Variants in GALNT13 observed in about 807,000 individuals in gnomAD.
GALNT13 encodes UDP-GalNAc:polypeptide N-acetylgalactosaminyltransferase 13.
Under a neutral mutation model 64.2 loss-of-function variants are expected in GALNT13, and 28 were observed. The ratio of observed to expected loss-of-function variants is 0.44; its 90% confidence interval spans 0.32 to 0.60. GALNT13 has a LOEUF of 0.60. Among genes scored for constraint, GALNT13 ranks in the 20% least tolerant of loss-of-function variants. The pLI is 0.05. For synonymous variants in GALNT13, 214 were observed against 224.6 expected (o/e 0.95, Z 0.42); for missense variants, 577 against 669.8 (o/e 0.86, Z 1.53).
At chr2:153,668,884 G>A in the GALNT13 span, among the ~76,000 whole-genome samples, 1 of 152,176 alleles carries the variant, frequency 6.6e-6, no homozygotes, top group Non-Finnish European at 1.5e-5. Flanking sequence ...CATGGCCAGG[G>A]ATACCTATCC....
the GALNT13 span, among the ~76,000 whole-genome samples, chr2:153,162,080 A>T: frequency 6.6e-6 from 1 of 152,040 alleles, no homozygotes; most frequent in Non-Finnish European, 1.5e-5. Context: ...CTTTGACATG[A>T]GATAAGGAGG....
chr2:154,336,010 C>G (rs568323532), intron 9 of GALNT13, among the ~76,000 whole-genome samples: 11 of 151,952 alleles, frequency 7.2e-5, no homozygotes, highest in South Asian at 4.2e-4. Flanking sequence ...TCAAAGGTGA[C>G]TAATATATAA....
At chr2:153,104,583 C>T in the GALNT13 span, among the ~76,000 whole-genome samples, 1 of 152,240 alleles carries the variant, frequency 6.6e-6, no homozygotes, top group South Asian at 2.1e-4. Context: ...GAGGCCCCTG[C>T]TTTATCTGAT....
Position 154,124,966 on chromosome 2 carries a change from A to T in GALNT13, c.143-15371A>T, listed in dbSNP as rs1682171308. Among the ~76,000 whole-genome samples the T allele has an allele frequency of 2.0e-5, 3 of 152,136 alleles. No individual in the cohort carries two copies. In the South Asian group the frequency reaches 6.2e-4, roughly 32 times the overall value. On this transcript the variant is annotated intron_variant, in intron 3 of 12. Coordinates refer to ENST00000392825, the MANE Select transcript of GALNT13 (RefSeq NM_052917.4). ...GAACATTTAGTGGTAAATATTAATAACAAACTCTGAGGGTAGGCTGCCTGG... is the reference window on the plus strand; with the variant it reads ...GAACATTTAGTGGTAAATATTAATATCAAACTCTGAGGGTAGGCTGCCTGG...
the GALNT13 span, among the ~76,000 whole-genome samples, chr2:153,508,442 C>T: frequency 6.6e-6 from 1 of 152,074 alleles, no homozygotes; most frequent in African/African-American, 2.4e-5. Context: ...GTTATGTTCC[C>T]ACGTGGAGTA....
intron 3 of GALNT13, among the ~76,000 whole-genome samples, chr2:153,967,178 A>G (rs2105113833): frequency 6.6e-6 from 1 of 152,140 alleles, no homozygotes; most frequent in African/African-American, 2.4e-5. Flanking sequence ...AGGTATTTTG[A>G]ATTTTCTGTC....
the GALNT13 span, among the ~76,000 whole-genome samples, chr2:153,604,414 T>C: frequency 6.6e-6 from 1 of 152,062 alleles, no homozygotes; most frequent in African/African-American, 2.4e-5. Context: ...GTTGTCTAGA[T>C]GAAGCCTTTA....
the GALNT13 span, among the ~76,000 whole-genome samples, chr2:153,557,301 C>T: frequency 6.6e-6 from 1 of 152,172 alleles, no homozygotes; most frequent in African/African-American, 2.4e-5. Flanking sequence ...TTAGGCTATG[C>T]CATCTAAGTT....
At chr2:153,286,347 T>C in the GALNT13 span, among the ~76,000 whole-genome samples, 1 of 152,098 alleles carries the variant, frequency 6.6e-6, no homozygotes, top group Non-Finnish European at 1.5e-5. Context: ...TGACTATTTA[T>C]ATAGATGAGA....
chr2:153,170,703 G>A, the GALNT13 span, among the ~76,000 whole-genome samples: 3 of 152,118 alleles, frequency 2.0e-5, no homozygotes, highest in African/African-American at 7.2e-5. Flanking sequence ...TGAAACAAAT[G>A]AAGTTAACAT....
intron 3 of GALNT13, among the ~76,000 whole-genome samples, chr2:154,124,953 GT>G (rs1387792432): frequency 6.6e-6 from 1 of 152,064 alleles, no homozygotes; most frequent in African/African-American, 2.4e-5. Flanking sequence ...ACATTTAGTG[GT>G]AAATATTAAT....
At chr2:154,363,548 A>G (rs766691916) in intron 9 of GALNT13, among the ~76,000 whole-genome samples, 1 of 152,204 alleles carries the variant, frequency 6.6e-6, no homozygotes, top group Non-Finnish European at 1.5e-5. Context: ...ATGGTGATGA[A>G]AGAAAATTAA....
the GALNT13 span, among the ~76,000 whole-genome samples, chr2:153,615,407 G>T: frequency 6.6e-6 from 1 of 152,058 alleles, no homozygotes; most frequent in East Asian, 1.9e-4. Context: ...GAGATTCCTG[G>T]ATCATATGGT....
chr2:153,733,597 G>T, the GALNT13 span, among the ~76,000 whole-genome samples: 2 of 152,100 alleles, frequency 1.3e-5, no homozygotes, highest in Non-Finnish European at 1.5e-5. Flanking sequence ...CTGCAACCTT[G>T]CAATTCTGCC....
intron 3 of GALNT13, among the ~76,000 whole-genome samples, chr2:154,105,519 T>G (rs919239042): frequency 6.6e-5 from 10 of 152,174 alleles, no homozygotes; most frequent in Non-Finnish European, 1.3e-4. Context: ...TTATACCATA[T>G]AGCCATGATG....
At chr2:153,227,251 G>C in the GALNT13 span, among the ~76,000 whole-genome samples, 5 of 152,176 alleles carry the variant, frequency 3.3e-5, no homozygotes, top group African/African-American at 1.2e-4. Context: ...TGATTATATA[G>C]TATTCTCTAG....
At chr2:153,670,110 CA>C in the GALNT13 span, among the ~76,000 whole-genome samples, 1 of 152,224 alleles carries the variant, frequency 6.6e-6, no homozygotes, top group African/African-American at 2.4e-5. Flanking sequence ...CCTCTGGGGG[CA>C]GGGAATATCT....
At chr2:153,227,843 C>T in the GALNT13 span, among the ~76,000 whole-genome samples, 1 of 152,162 alleles carries the variant, frequency 6.6e-6, no homozygotes, top group Non-Finnish European at 1.5e-5. Context: ...ATTAGTGAAT[C>T]CTGGAGTAAA....
At chr2:154,190,845 C>T (rs1686536678) in intron 4 of GALNT13, among the ~76,000 whole-genome samples, 1 of 152,112 alleles carries the variant, frequency 6.6e-6, no homozygotes, top group African/African-American at 2.4e-5. Context: ...TTTAATTTAT[C>T]CAATATATCA....
Sources: allele counts gnomAD v4.1 joint callset (sites outside exome capture counted in the v4.1 genomes callset), GRCh38; gene constraint gnomAD v4.1.1; transcripts MANE v1.5; gene names NCBI Gene and HGNC (gene_info 2026-07-23, HGNC 2026-07-21).